CCPG1: variants seen among roughly 807,000 people sequenced by gnomAD.
CCPG1 encodes the protein cell cycle progression protein 1.
Under a neutral mutation model 81.3 loss-of-function variants are expected in CCPG1, and 46 were observed. That is an observed-to-expected ratio of 0.57 (90% CI 0.45 to 0.72). The LOEUF (loss-of-function observed/expected upper bound fraction) is 0.72. Among genes scored for constraint, CCPG1 ranks in the 30% least tolerant of loss-of-function variants. The pLI, the probability that CCPG1 is intolerant of heterozygous loss-of-function variation, is 0.00. For missense variants in CCPG1, 902 were observed against 937.6 expected, an observed-to-expected ratio of 0.96 and a Z score of 0.50; for synonymous variants, 330 against 305.2, an observed-to-expected ratio of 1.08 and a Z score of -0.85.
rs1305946175 is a variant in CCPG1 at position 55,359,840 on chromosome 15, TAAA to T, written c.1930_1932del (p.Phe644del). 1.2e-6 allele frequency: 2 copies of T among 1,613,588 alleles called. No homozygotes were observed. The highest frequency in any genetic ancestry group is 2.7e-5 in the African/African-American group (2 of 75,034). On this transcript the variant is annotated inframe_deletion, in exon 8 of 9. Coordinates refer to ENST00000442196, the MANE Select transcript of CCPG1 (RefSeq NM_001204450.2). ...ATCCTTATAGGATTCACCACTGTGT[TAAA>T]AAGGCTCATGGACTCTTGTTGAGCA... is the stretch of plus-strand genomic sequence containing the variant.
chr15:55,395,598 C>T (rs1049960923), intron 1 of CCPG1, among the ~76,000 whole-genome samples: 1 of 152,000 alleles, frequency 6.6e-6, no homozygotes, highest in Non-Finnish European at 1.5e-5. Context: ...GTTGCCCATC[C>T]CCTTTACCTC....
At chr15:55,408,027 C>A (rs1334299158) in intron 1 of CCPG1, 194 bp downstream of exon 1, 1 of 152,352 alleles carries the variant, frequency 6.6e-6, no homozygotes, top group Non-Finnish European at 1.5e-5. Context: ...GCCTCCGGAG[C>A]TGTGCACTCG....
At chr15:55,368,284 T>C (rs1305993088) in intron 6 of CCPG1, among the ~76,000 whole-genome samples, 1 of 152,168 alleles carries the variant, frequency 6.6e-6, no homozygotes, top group Non-Finnish European at 1.5e-5. Context: ...AAGCAGTCTT[T>C]TCACTGCTCC....
At chr15:55,405,878 T>G (rs2057208970) in intron 1 of CCPG1, among the ~76,000 whole-genome samples, 1 of 152,242 alleles carries the variant, frequency 6.6e-6, no homozygotes, top group African/African-American at 2.4e-5. Context: ...GCTTATTTGG[T>G]GTTTTTGAGA....
intron 7 of CCPG1, among the ~76,000 whole-genome samples, chr15:55,364,294 C>G (rs979652188): frequency 2.7e-5 from 4 of 150,320 alleles, no homozygotes; most frequent in African/African-American, 9.7e-5. Context: ...AACATGCTCT[C>G]CCTTCCATCA....
At chr15:55,384,557 A>T (rs1291090185) in intron 3 of CCPG1, among the ~76,000 whole-genome samples, 1 of 152,190 alleles carries the variant, frequency 6.6e-6, no homozygotes, top group African/African-American at 2.4e-5. Flanking sequence ...TGAGAGGCTG[A>T]GGCAGGAGGA....
chr15:55,379,680 TAAAA>T (rs1449227101), intron 3 of CCPG1, among the ~76,000 whole-genome samples: 4 of 152,008 alleles, frequency 2.6e-5, no homozygotes, highest in African/African-American at 9.7e-5. Context: ...TAATTTTTTT[TAAAA>T]AAGAAAGAAC....
In CCPG1 at chr15:55,370,908, C is replaced by G. The variant is rs569889496; in HGVS notation, c.706+885G>C. Among the ~76,000 whole-genome samples, 31 of 144,884 alleles carry G rather than the reference C, an allele frequency of 2.1e-4. No individual in the cohort carries two copies. The East Asian group carries it at 6.3e-3, about 29-fold the overall frequency. Reference sequence around the variant, plus strand: ...AAGAAAAAAAAAAAAAAAAAGACTTCGAGACCAGCCTGGCCAACATGGCAA... The same window carrying G: ...AAGAAAAAAAAAAAAAAAAAGACTTGGAGACCAGCCTGGCCAACATGGCAA... On this transcript the variant is annotated intron_variant, in intron 6 of 8. Coordinates refer to ENST00000442196, the MANE Select transcript of CCPG1 (RefSeq NM_001204450.2).
chr15:55,380,374 C>A (rs1333601702), intron 3 of CCPG1, among the ~76,000 whole-genome samples: 1 of 151,278 alleles, frequency 6.6e-6, no homozygotes, highest in Non-Finnish European at 1.5e-5. Context: ...CGGCTCACTG[C>A]AAGCTCCGCC....
chr15:55,365,433 T>C, intron 6 of CCPG1, 124 bp from the exon 7 acceptor site: 1 of 548,018 alleles, frequency 1.8e-6, no homozygotes. Context: ...TTTTTTTTTG[T>C]TTTTTTTTTG....
intron 3 of CCPG1, among the ~76,000 whole-genome samples, chr15:55,381,384 G>A (rs2056691569): frequency 6.7e-6 from 1 of 149,648 alleles, no homozygotes; most frequent in East Asian, 2.0e-4. Flanking sequence ...AGTGAGCTGA[G>A]ATCATTGCGC....
chr15:55,386,053 C>T (rs552840415), intron 2 of CCPG1, among the ~76,000 whole-genome samples: 1 of 152,216 alleles, frequency 6.6e-6, no homozygotes, highest in Admixed American at 6.5e-5. Context: ...ATTTATGGAA[C>T]TACTCTAGAC....
In CCPG1 at chr15:55,393,231, T is replaced by A. The variant is rs180873730; in HGVS notation, c.-9-3798A>T. 1.4e-3 allele frequency among the ~76,000 whole-genome samples: 215 copies of A among 152,268 alleles called. 1 individual carries two copies. Among genetic ancestry groups the A allele is most frequent in the South Asian group, 3.7e-3 (18 of 4,822 alleles). Reference sequence around the variant, plus strand: ...GGGAGGATCACTTGAGGCCAGGCGTTCAAGACCAGGCTGGGCAACATAGTG... The same window carrying A: ...GGGAGGATCACTTGAGGCCAGGCGTACAAGACCAGGCTGGGCAACATAGTG... On this transcript the variant is annotated intron_variant, in intron 1 of 8. Transcript: ENST00000442196.
chr15:55,406,774 T>C (rs1044819362), intron 1 of CCPG1, among the ~76,000 whole-genome samples: 17 of 152,156 alleles, frequency 1.1e-4, no homozygotes, highest in Non-Finnish European at 2.2e-4. Context: ...TCACTTTTTG[T>C]TCCATGGTTT....
At chr15:55,368,646 A>T in intron 6 of CCPG1, among the ~76,000 whole-genome samples, 1 of 152,226 alleles carries the variant, frequency 6.6e-6, no homozygotes, top group South Asian at 2.1e-4. Context: ...AAACTTTTTA[A>T]TAAAACTTCT....
rs887761134 is a variant in CCPG1, at chr15:55,375,519, C to A, written c.454+1430G>T. On this transcript the variant is annotated intron_variant, in intron 5 of 8. Coordinates refer to ENST00000442196, the MANE Select transcript of CCPG1 (RefSeq NM_001204450.2). ...CAATACCCCTCCATAAATAAAGATACTATGAATGCTATTCTAACAAAGCCT... is the reference window on the plus strand; with the variant it reads ...CAATACCCCTCCATAAATAAAGATAATATGAATGCTATTCTAACAAAGCCT... Among the ~76,000 whole-genome samples the A allele has an allele frequency of 3.3e-5, 5 of 151,830 alleles. 1 individual carries two copies. The highest frequency in any genetic ancestry group is 7.4e-5 in the Non-Finnish European group (5 of 67,984).
chr15:55,357,034 A>C, intron 8 of CCPG1: 1 of 985,500 alleles, frequency 1.0e-6, no homozygotes, highest in Non-Finnish European at 1.2e-6. Flanking sequence ...TCCTGTCCTT[A>C]GCCTTCCCTA....
In CCPG1 at chr15:55,385,643, A is replaced by C. The variant is rs776413371; in HGVS notation, c.132T>G (p.Ser44=). The C allele has an allele frequency of 4.3e-6, 7 of 1,611,900 alleles. No homozygotes were observed. The South Asian group carries it at 6.6e-5, about 15-fold the overall frequency. Residue 44 remains serine, a synonymous_variant, in exon 3 of 9, where the codon TCT becomes TCG. Coordinates refer to ENST00000442196, the MANE Select transcript of CCPG1 (RefSeq NM_001204450.2). ...ATGCTTGAAGCTCCTCTTGCTCTAA[A>C]GATGAACATTCTGGGGCGGGCTCAC... ...DSCEPAPECS[S]LEQEELQALQ...
intron 3 of CCPG1, among the ~76,000 whole-genome samples, chr15:55,379,192 G>GTGTGTGTGTGTGTGTC (rs2056629332): frequency 6.7e-6 from 1 of 149,136 alleles, no homozygotes; most frequent in Non-Finnish European, 1.5e-5. Context: ...GTGTGTGTGT[G>GTGTGTGTGTGTGTGTC]TCTAAATGCC....
Sources: gnomAD v4.1 joint callset for allele counts (sites outside exome capture counted in the v4.1 genomes callset) on GRCh38, gnomAD v4.1.1 for gene constraint, MANE v1.5 for transcripts, NCBI Gene and HGNC (gene_info 2026-07-23, HGNC 2026-07-21) for gene names.